SNTG1: variants seen among roughly 807,000 people sequenced by gnomAD.
SNTG1 encodes the protein gamma-1-syntrophin.
Under a neutral mutation model 74.7 loss-of-function variants are expected in SNTG1, and 39 were observed. The ratio of observed to expected loss-of-function variants is 0.52; its 90% CI spans 0.40 to 0.68. The LOEUF (loss-of-function observed/expected upper bound fraction) is 0.68. Ranked by LOEUF, SNTG1 falls within the 30% of genes least tolerant of loss-of-function variation. The pLI is 0.00. For synonymous variants in SNTG1, 254 were observed against 217.1 expected (o/e 1.17, Z -1.49); for missense variants, 685 against 609.5 (o/e 1.12, Z -1.30).
At chr8:50,257,428 A>T (rs1222111814) in intron 2 of SNTG1, among the ~76,000 whole-genome samples, 2 of 152,306 alleles carry the variant, frequency 1.3e-5, no homozygotes, top group Non-Finnish European at 2.9e-5. Context: ...AGTTTCTGCC[A>T]AGAGTGAGGC....
At chr8:50,688,642 C>G (rs2095363597) in intron 15 of SNTG1, among the ~76,000 whole-genome samples, 1 of 152,194 alleles carries the variant, frequency 6.6e-6, no homozygotes, top group Admixed American at 6.5e-5. Flanking sequence ...CAGTACCATG[C>G]TGTTTTGGTT....
chr8:50,415,175 A>T (rs1457106260), intron 4 of SNTG1, among the ~76,000 whole-genome samples: 1 of 152,186 alleles, frequency 6.6e-6, no homozygotes, highest in Non-Finnish European at 1.5e-5. Flanking sequence ...AATGCAAAGG[A>T]GTTTCATTAT....
At chr8:50,033,507 G>A (rs1024582350) in intron 1 of SNTG1, among the ~76,000 whole-genome samples, 2 of 152,210 alleles carry the variant, frequency 1.3e-5, no homozygotes, top group South Asian at 2.1e-4. Flanking sequence ...CAAACACCAC[G>A]GACTGAGCAG....
chr8:50,245,193 G>A (rs564818205), intron 2 of SNTG1, among the ~76,000 whole-genome samples: 2 of 152,192 alleles, frequency 1.3e-5, no homozygotes, highest in South Asian at 2.1e-4. Context: ...ACTAAATGAA[G>A]GTGACTTGAA....
At chr8:49,969,277 C>T (rs887319647) in intron 1 of SNTG1, among the ~76,000 whole-genome samples, 8 of 150,912 alleles carry the variant, frequency 5.3e-5, no homozygotes, top group Non-Finnish European at 7.4e-5. Context: ...GGCATTAATG[C>T]GAGGAAACCT....
chr8:50,558,168 C>T (rs951450266), intron 12 of SNTG1, among the ~76,000 whole-genome samples: 8 of 152,164 alleles, frequency 5.3e-5, no homozygotes, highest in African/African-American at 1.9e-4. Context: ...ACTAATTTTT[C>T]CAGAACCTTT....
At chr8:50,439,607 T>A (rs1419918121) in intron 5 of SNTG1, among the ~76,000 whole-genome samples, 1 of 152,026 alleles carries the variant, frequency 6.6e-6, no homozygotes, top group Non-Finnish European at 1.5e-5. Context: ...AGTGAAACTT[T>A]ATCTTATCAC....
chr8:50,582,050 A>G (rs569276625), intron 12 of SNTG1, among the ~76,000 whole-genome samples: 1 of 152,162 alleles, frequency 6.6e-6, no homozygotes, highest in South Asian at 2.1e-4. Flanking sequence ...TCCCAGCCCT[A>G]TTTTGTCTGG....
At chr8:50,613,238 G>T (rs1375398210) in intron 13 of SNTG1, among the ~76,000 whole-genome samples, 2 of 152,158 alleles carry the variant, frequency 1.3e-5, no homozygotes, top group South Asian at 2.1e-4. Flanking sequence ...TAAGCCTGTT[G>T]TGGTGAGACT....
intron 1 of SNTG1, among the ~76,000 whole-genome samples, chr8:50,146,378 C>T (rs1044220142): frequency 2.0e-5 from 3 of 151,890 alleles, no homozygotes; most frequent in Admixed American, 6.6e-5. Context: ...ATTAGCCAGG[C>T]GTGGTGGCGC....
chr8:50,577,947 A>AT (rs1198759784), intron 12 of SNTG1, among the ~76,000 whole-genome samples: 2 of 152,230 alleles, frequency 1.3e-5, no homozygotes, highest in Non-Finnish European at 2.9e-5. Flanking sequence ...GCAAAGCACC[A>AT]AGAGCACAGA....
chr8:49,963,563 C>T (rs564506843), intron 1 of SNTG1, among the ~76,000 whole-genome samples: 1 of 152,220 alleles, frequency 6.6e-6, no homozygotes, highest in South Asian at 2.1e-4. Flanking sequence ...TGCCTCTTTA[C>T]CATGCAGAAA....
intron 17 of SNTG1, among the ~76,000 whole-genome samples, chr8:50,713,306 A>G (rs1303853482): frequency 1.3e-5 from 2 of 152,072 alleles, no homozygotes; most frequent in African/African-American, 2.4e-5. Context: ...TCTTCTTTTG[A>G]GAAGTGTCTG....
At chr8:50,347,946 G>A (rs1331656306) in intron 2 of SNTG1, among the ~76,000 whole-genome samples, 6 of 152,142 alleles carry the variant, frequency 3.9e-5, no homozygotes, top group Non-Finnish European at 8.8e-5. Context: ...AAATATATAT[G>A]ATATAATGTT....
chr8:50,380,544 A>G (rs1456360459), intron 2 of SNTG1, among the ~76,000 whole-genome samples: 1 of 152,240 alleles, frequency 6.6e-6, no homozygotes, highest in East Asian at 1.9e-4. Context: ...CATTATGGAA[A>G]TTATCAAAAT....
chr8:50,200,080 G>A (rs2083928668), intron 2 of SNTG1, among the ~76,000 whole-genome samples: 1 of 152,110 alleles, frequency 6.6e-6, no homozygotes, highest in Admixed American at 6.6e-5. Context: ...AAAGGTGTAT[G>A]TGACATAATA....
intron 2 of SNTG1, among the ~76,000 whole-genome samples, chr8:50,196,614 G>T (rs2083778914): frequency 6.6e-6 from 1 of 151,988 alleles, no homozygotes; most frequent in African/African-American, 2.4e-5. Flanking sequence ...GAGAAAAGTT[G>T]TTTGGGGCCA....
chr8:50,291,007 C>T (rs1282586203), intron 2 of SNTG1, among the ~76,000 whole-genome samples: 1 of 152,128 alleles, frequency 6.6e-6, no homozygotes, highest in African/African-American at 2.4e-5. Flanking sequence ...ATGCCTATCT[C>T]GGCCTCCCAA....
chr8:49,943,227 A>T (rs899657058), intron 1 of SNTG1, among the ~76,000 whole-genome samples: 1 of 152,210 alleles, frequency 6.6e-6, no homozygotes. Flanking sequence ...ACACCCAGGG[A>T]TTACATCCAA....
Sources: allele counts gnomAD v4.1 joint callset (sites outside exome capture counted in the v4.1 genomes callset), GRCh38; gene constraint gnomAD v4.1.1; transcripts MANE v1.5; gene names NCBI Gene and HGNC (gene_info 2026-07-23, HGNC 2026-07-21).